The following EHBP1 variants were observed in gnomAD, a reference collection of about 807,000 sequenced individuals.
EHBP1 encodes the protein EH domain-binding protein 1.
Under a neutral mutation model 144.0 loss-of-function variants are expected in EHBP1, and 55 were observed. That is an observed-to-expected ratio of 0.38 (90% CI 0.31 to 0.48). The LOEUF is 0.48. EHBP1 is among the 20% of genes least tolerant of loss of function. EHBP1 has a pLI of 0.98. For missense variants in EHBP1, 1,200 were observed against 1,364.2 expected (o/e 0.88, Z 1.90); for synonymous variants, 469 against 472.7 (o/e 0.99, Z 0.10).
intron 6 of EHBP1, among the ~76,000 whole-genome samples, chr2:62,829,414 C>G (rs190423492): frequency 1.2e-4 from 18 of 151,894 alleles, no homozygotes; most frequent in Admixed American, 7.9e-4. Flanking sequence ...TAGGCCTTTG[C>G]ATCCCCATAG....
intron 14 of EHBP1, among the ~76,000 whole-genome samples, chr2:62,957,295 CAG>C (rs2057751738): frequency 6.6e-6 from 1 of 152,078 alleles, no homozygotes; most frequent in African/African-American, 2.4e-5. Flanking sequence ...TCATGATCCA[CAG>C]AGAGAAAAGA....
chr2:62,845,991 T>G (rs1484069845), intron 7 of EHBP1, among the ~76,000 whole-genome samples: 4 of 152,012 alleles, frequency 2.6e-5, no homozygotes, highest in African/African-American at 4.8e-5. Flanking sequence ...TTTAAAGGAG[T>G]TTGAAACCCT....
At chr2:63,029,137 G>T (rs2061119751) in intron 19 of EHBP1, among the ~76,000 whole-genome samples, 1 of 151,222 alleles carries the variant, frequency 6.6e-6, no homozygotes. Context: ...AAAACCCACT[G>T]TCAATAACTA....
chr2:62,842,891 C>T (rs951484628), intron 7 of EHBP1, among the ~76,000 whole-genome samples: 3 of 152,082 alleles, frequency 2.0e-5, no homozygotes, highest in Admixed American at 1.3e-4. Context: ...GTTACAGTTT[C>T]TACACTAGTA....
intron 14 of EHBP1, among the ~76,000 whole-genome samples, chr2:62,975,705 G>A (rs2058677896): frequency 6.6e-6 from 1 of 151,832 alleles, no homozygotes; most frequent in Non-Finnish European, 1.5e-5. Flanking sequence ...GCAACACAGG[G>A]AGACCCTGTC....
intron 14 of EHBP1, among the ~76,000 whole-genome samples, chr2:62,962,216 C>G (rs773128604): frequency 1.3e-5 from 2 of 152,090 alleles, no homozygotes; most frequent in Non-Finnish European, 2.9e-5. Context: ...GTCCCAGCTA[C>G]TCGGGAGGCT....
At chr2:63,000,284 A>G (rs560572615) in intron 19 of EHBP1, among the ~76,000 whole-genome samples, 10 of 152,284 alleles carry the variant, frequency 6.6e-5, no homozygotes, top group African/African-American at 2.4e-4. Flanking sequence ...TAGAACAACT[A>G]TGGGATTTAT....
intron 7 of EHBP1, among the ~76,000 whole-genome samples, chr2:62,840,494 C>T (rs2047728057): frequency 6.7e-6 from 1 of 149,166 alleles, no homozygotes; most frequent in Non-Finnish European, 1.5e-5. Context: ...CAAATGGGAT[C>T]TAATTAAACT....
At chr2:62,837,998 C>T (rs1312063050) in intron 7 of EHBP1, among the ~76,000 whole-genome samples, 2 of 149,042 alleles carry the variant, frequency 1.3e-5, no homozygotes, top group East Asian at 4.0e-4. Flanking sequence ...ACCTAATAGA[C>T]ATCTACAGAA....
chr2:62,742,530 T>A (rs1309129155), intron 2 of EHBP1, among the ~76,000 whole-genome samples: 1 of 151,836 alleles, frequency 6.6e-6, no homozygotes, highest in African/African-American at 2.4e-5. Flanking sequence ...AAAAAATGAG[T>A]GGTCTGAAAA....
At chr2:62,815,560 A>G (rs936979876) in intron 5 of EHBP1, among the ~76,000 whole-genome samples, 1 of 152,364 alleles carries the variant, frequency 6.6e-6, no homozygotes, top group East Asian at 1.9e-4. Flanking sequence ...CTTGAGCTTT[A>G]AACTAAAGTA....
chr2:62,817,234 A>G (rs2152556197), intron 5 of EHBP1, among the ~76,000 whole-genome samples: 1 of 152,294 alleles, frequency 6.6e-6, no homozygotes, highest in South Asian at 2.1e-4. Flanking sequence ...GGGGAATATG[A>G]AATGTGTATT....
intron 14 of EHBP1, among the ~76,000 whole-genome samples, chr2:62,961,132 G>A (rs776643788): frequency 6.6e-5 from 10 of 152,134 alleles, no homozygotes; most frequent in Admixed American, 2.0e-4. Context: ...GGACCCTTAC[G>A]TACAGACTCC....
At chr2:62,764,456 C>G in intron 4 of EHBP1, 95 bp downstream of exon 4, 1 of 910,532 alleles carries the variant, frequency 1.1e-6, no homozygotes, top group Non-Finnish European at 1.6e-6. Flanking sequence ...ACATTTGTGT[C>G]CAGTCTGGTA....
intron 3 of EHBP1, among the ~76,000 whole-genome samples, chr2:62,754,943 G>C (rs543778833): frequency 6.6e-6 from 1 of 152,304 alleles, no homozygotes; most frequent in Admixed American, 6.5e-5. Flanking sequence ...TCCCGGGTGA[G>C]GCAATGCCTT....
chr2:62,888,691 A>AGTGCTATTGCTGTATAT (rs2052151976), intron 10 of EHBP1, among the ~76,000 whole-genome samples: 1 of 152,194 alleles, frequency 6.6e-6, no homozygotes, highest in Admixed American at 6.5e-5. Flanking sequence ...TGGCAAATGG[A>AGTGCTATTGCTGTATAT]GTGCTATTGC....
At position 62,996,735 on chromosome 2, in the gene EHBP1, G is replaced by C. The variant is rs2059643290; in HGVS notation, c.3072G>C (p.Val1024=). Reference sequence around the variant, plus strand: ...AAATTGACACCCGTGCCGCGCTGGTGGAGAAGCGCCTTCGCTATCTCATGG... The same window carrying C: ...AAATTGACACCCGTGCCGCGCTGGTCGAGAAGCGCCTTCGCTATCTCATGG... ...QKQIDTRAAL[V]EKRLRYLMDT... Residue 1024 remains valine, a synonymous_variant, in exon 19 of 23, where the codon GTG becomes GTC. Transcript: ENST00000431489. 1 of 1,612,772 alleles carries C rather than the reference G, an allele frequency of 6.2e-7. No individual in the cohort carries two copies. Among genetic ancestry groups the C allele is most frequent in the African/African-American group, 1.3e-5 (1 of 74,898 alleles).
At chr2:62,835,376 A>G (rs540656339) in intron 7 of EHBP1, among the ~76,000 whole-genome samples, 2 of 152,338 alleles carry the variant, frequency 1.3e-5, no homozygotes, top group African/African-American at 4.8e-5. Flanking sequence ...TAGAAGGTAT[A>G]TAACCTAGTT....
chr2:62,930,621 A>G (rs1230468075), intron 10 of EHBP1, among the ~76,000 whole-genome samples: 1 of 152,200 alleles, frequency 6.6e-6, no homozygotes, highest in Non-Finnish European at 1.5e-5. Flanking sequence ...TTCTGATTTT[A>G]AAACTTACTG....
Sources: gnomAD v4.1 joint callset for allele counts (sites outside exome capture counted in the v4.1 genomes callset) on GRCh38, gnomAD v4.1.1 for gene constraint, MANE v1.5 for transcripts, NCBI Gene and HGNC (gene_info 2026-07-23, HGNC 2026-07-21) for gene names.